Variants in SHQ1 observed in about 807,000 individuals in gnomAD.
The protein encoded by SHQ1 is SHQ1, H/ACA ribonucleoprotein assembly factor, also known as protein SHQ1 homolog.
SHQ1 carries 49 observed loss-of-function variants against 53.8 expected under a neutral mutation model. The observed-to-expected ratio is 0.91, with a 90% confidence interval of 0.72 to 1.16. SHQ1 has a LOEUF of 1.16. Among genes scored for constraint, SHQ1 ranks in the 50% most tolerant of loss-of-function variants. The pLI, the probability that SHQ1 is intolerant of heterozygous loss-of-function variation, is 0.00. For synonymous variants in SHQ1, 243 were observed against 251.0 expected, an observed-to-expected ratio of 0.97 and a Z score of 0.30; for missense variants, 738 against 683.1, an observed-to-expected ratio of 1.08 and a Z score of -0.90.
chr3:72,780,676 C>G (rs1037729417), intron 10 of SHQ1, among the ~76,000 whole-genome samples: 38 of 152,180 alleles, frequency 2.5e-4, no homozygotes, highest in African/African-American at 8.2e-4. Context: ...AGGATACATA[C>G]ACACCGAAAG....
downstream of SHQ1, among the ~76,000 whole-genome samples, chr3:72,748,813 CAA>C (rs1705306897): frequency 6.6e-6 from 1 of 152,132 alleles, no homozygotes; most frequent in Admixed American, 6.5e-5. Context: ...ATAAAAACTA[CAA>C]AGATTAGCTG....
intron 10 of SHQ1, among the ~76,000 whole-genome samples, chr3:72,787,985 G>A (rs1022884526): frequency 6.6e-5 from 10 of 152,332 alleles, no homozygotes; most frequent in Non-Finnish European, 1.3e-4. Context: ...CGAGGTGCCG[G>A]GATTGCAGAC....
chr3:72,811,018 G>C (rs141099061), intron 9 of SHQ1, among the ~76,000 whole-genome samples: 256 of 152,276 alleles, frequency 1.7e-3, no homozygotes, highest in African/African-American at 5.8e-3. Context: ...TTTCAATTCT[G>C]ACCTACTAAA....
Position 72,750,157 on chromosome 3 carries a change from G to T in SHQ1, c.*127C>A. 1.2e-6 allele frequency: 1 copy of T among 810,232 alleles called. No homozygotes were observed. The highest frequency in any genetic ancestry group is 1.9e-6 in the Non-Finnish European group (1 of 514,048). The allele number at this position is 810,232 out of a possible 1,614,324, so 50.2% of individuals were successfully genotyped here. On this transcript the variant is annotated 3_prime_UTR_variant, in exon 11 of 11. Transcript: ENST00000325599. ...GCAGTTGGTTGAATCCACAGATGTGGAACACACAAATACAGTGGGCTGACT... is the reference window on the plus strand; with the variant it reads ...GCAGTTGGTTGAATCCACAGATGTGTAACACACAAATACAGTGGGCTGACT...
chr3:72,824,572 A>T, intron 5 of SHQ1, 21 bp from the exon 6 acceptor site: 1 of 1,602,474 alleles, frequency 6.2e-7, no homozygotes. Flanking sequence ...ACATTGAAAG[A>T]ACTTACTATA....
At chr3:72,791,870 T>C (rs1706450032) in intron 10 of SHQ1, among the ~76,000 whole-genome samples, 2 of 152,344 alleles carry the variant, frequency 1.3e-5, no homozygotes, top group East Asian at 3.9e-4. Flanking sequence ...GATTCTTAAT[T>C]AATAGCCTCT....
intron 3 of SHQ1, 125 bp downstream of exon 3, chr3:72,842,155 G>C: frequency 9.9e-7 from 1 of 1,010,628 alleles, no homozygotes; most frequent in Non-Finnish European, 1.4e-6. Flanking sequence ...GGTTTCACAT[G>C]ATCACCTTAT....
chr3:72,752,089 T>C (rs1317726510), intron 10 of SHQ1, among the ~76,000 whole-genome samples: 1 of 152,166 alleles, frequency 6.6e-6, no homozygotes, highest in African/African-American at 2.4e-5. Context: ...ATAAGACTGG[T>C]TGACTGGTGA....
rs1415454984 is a variant in SHQ1, at chr3:72,750,488, G to A, written c.1530C>T (p.Arg510=). ...CAGACTCCTGGATGGCTGTGTTTCT[G>A]CGTACTCCACCATCAACAATAAGAA... The part of the protein sequence containing the change: ...SAFLIVDGGV[R]RNTAIQESDA... The change falls in exon 11 of 11, where the codon CGC becomes CGT. Residue 510 remains arginine, a synonymous_variant. Coordinates refer to ENST00000325599, the MANE Select transcript of SHQ1 (RefSeq NM_018130.3). 8 of 1,614,060 alleles carry A rather than the reference G, an allele frequency of 5.0e-6. No individual in the cohort carries two copies. The African/African-American group carries it at 8.0e-5, about 16-fold the overall frequency.
intron 4 of SHQ1, among the ~76,000 whole-genome samples, chr3:72,833,542 T>C (rs753692553): frequency 4.4e-4 from 35 of 78,874 alleles, no homozygotes; most frequent in Admixed American, 2.0e-3. Context: ...GACAGATAGA[T>C]AGATAGATAG....
Position 72,813,493 on chromosome 3 carries a change from C to T in SHQ1, c.937-699G>A, listed in dbSNP as rs1327036173. Among the ~76,000 whole-genome samples, 3 of 139,894 alleles carry T rather than the reference C, an allele frequency of 2.1e-5. No individual in the cohort carries two copies. The East Asian group carries it at 6.4e-4, about 30-fold the overall frequency. 91.8% of individuals were successfully genotyped at this position (139,894 alleles called of 152,430 possible). On this transcript the variant is annotated intron_variant, in intron 8 of 10. Transcript: ENST00000325599. ...AAAAAAAAAAAAAAAAGGCCGGGTG[C>T]GGTGGCTCATGCCTGTGATCTCAGC...
chr3:72,758,567 CTTTTT>C (rs869225766), intron 10 of SHQ1, among the ~76,000 whole-genome samples: 12 of 126,138 alleles, frequency 9.5e-5, no homozygotes, highest in African/African-American at 3.3e-4. Flanking sequence ...ACTATTTTTT[CTTTTT>C]TTTTTTTTTT....
At chr3:72,787,905 G>A (rs925726227) in intron 10 of SHQ1, among the ~76,000 whole-genome samples, 1 of 152,194 alleles carries the variant, frequency 6.6e-6, no homozygotes, top group African/African-American at 2.4e-5. Context: ...TGGTGCAGAC[G>A]GGGTTTCGCC....
At chr3:72,762,161 A>AT (rs1253019553) in intron 10 of SHQ1, among the ~76,000 whole-genome samples, 2 of 152,172 alleles carry the variant, frequency 1.3e-5, no homozygotes, top group South Asian at 2.1e-4. Context: ...ACACACATCC[A>AT]TTTTTTGAGA....
chr3:72,804,374 G>C (rs1017383994), intron 9 of SHQ1, among the ~76,000 whole-genome samples: 9 of 152,096 alleles, frequency 5.9e-5, no homozygotes, highest in African/African-American at 2.2e-4. Flanking sequence ...ATTAAGCCCA[G>C]TATCCACTAG....
At chr3:72,780,268 C>G (rs1706044815) in intron 10 of SHQ1, among the ~76,000 whole-genome samples, 1 of 152,108 alleles carries the variant, frequency 6.6e-6, no homozygotes, top group South Asian at 2.1e-4. Flanking sequence ...TATGATTAAT[C>G]CAGTATTTAA....
intron 9 of SHQ1, among the ~76,000 whole-genome samples, chr3:72,803,159 T>C (rs1055754731): frequency 6.6e-6 from 1 of 152,252 alleles, no homozygotes; most frequent in Non-Finnish European, 1.5e-5. Flanking sequence ...ACCTGGGCTC[T>C]CAGACATGCT....
intron 3 of SHQ1, 106 bp from the exon 4 acceptor site, chr3:72,841,305 T>A (rs562939383): frequency 2.6e-5 from 20 of 784,176 alleles, no homozygotes; most frequent in Non-Finnish European, 3.5e-5. Flanking sequence ...AAAAGACATA[T>A]ACCAAATGTA....
At position 72,794,655 on chromosome 3, in the gene SHQ1, A is replaced by AT. The variant is rs1274985488; in HGVS notation, c.1061-1620dup. ...CCAGACTCTACCCCTTCAAACACAC[A>AT]TTTTTTAATGCACTGCTTTCATGGA... is the stretch of plus-strand genomic sequence containing the variant. On this transcript the variant is annotated intron_variant, in intron 9 of 10. Coordinates refer to ENST00000325599, the MANE Select transcript of SHQ1 (RefSeq NM_018130.3). 16 of 152,128 alleles carry AT rather than the reference A, an allele frequency of 1.1e-4. No individual in the cohort carries two copies. The East Asian group carries it at 3.1e-3, about 29-fold the overall frequency. 9.4% of individuals were successfully genotyped at this position (152,128 alleles called of 1,614,324 possible).
Sources: allele counts gnomAD v4.1 joint callset (sites outside exome capture counted in the v4.1 genomes callset), GRCh38; gene constraint gnomAD v4.1.1; transcripts MANE v1.5; gene names NCBI Gene and HGNC (gene_info 2026-07-23, HGNC 2026-07-21).